KIF6: variants seen among roughly 807,000 people sequenced by gnomAD.
KIF6 encodes kinesin family member 6.
A neutral mutation model predicts 112.7 loss-of-function variants in KIF6; 106 were observed. The observed-to-expected ratio is 0.94, with a 90% CI of 0.80 to 1.11. KIF6 has a LOEUF of 1.11. Among genes scored for constraint, KIF6 ranks in the 50% least tolerant of loss-of-function variants. The pLI is 0.00. For synonymous variants in KIF6, 339 were observed against 339.9 expected, an observed-to-expected ratio of 1.00 and a Z score of 0.03; for missense variants, 929 against 964.0, an observed-to-expected ratio of 0.96 and a Z score of 0.48.
At chr6:39,351,530 A>T (rs540101247) in intron 19 of KIF6, among the ~76,000 whole-genome samples, 6 of 152,234 alleles carry the variant, frequency 3.9e-5, no homozygotes, top group African/African-American at 1.2e-4. Context: ...CTGGGATTAC[A>T]GGCATGAACC....
chr6:39,653,622 C>T (rs1318451341), intron 3 of KIF6, among the ~76,000 whole-genome samples: 1 of 152,172 alleles, frequency 6.6e-6, no homozygotes, highest in Non-Finnish European at 1.5e-5. Context: ...GGGATTGCAA[C>T]TTGTAATGAG....
At chr6:39,337,018 CCCTTCCTTCCTTTCTTTT>C (rs1448594210) in intron 22 of KIF6, among the ~76,000 whole-genome samples, 18 of 136,648 alleles carry the variant, frequency 1.3e-4, no homozygotes, top group African/African-American at 5.0e-4. Context: ...CTCCCTCCCT[CCCTTCCTTCCTTTCTTTT>C]CCTTCCTTCC....
At chr6:39,723,406 G>A (rs564296409) in intron 1 of KIF6, among the ~76,000 whole-genome samples, 5 of 152,246 alleles carry the variant, frequency 3.3e-5, no homozygotes, top group South Asian at 4.1e-4. Context: ...AAAGGTTTCC[G>A]AAAAGGGGAT....
intron 5 of KIF6, among the ~76,000 whole-genome samples, chr6:39,624,244 A>AG (rs1783972691): frequency 6.6e-6 from 1 of 152,214 alleles, no homozygotes; most frequent in Non-Finnish European, 1.5e-5. Flanking sequence ...TTAATTGAAG[A>AG]GACGAATACA....
At chr6:39,458,482 C>T (rs1773287099) in intron 13 of KIF6, among the ~76,000 whole-genome samples, 2 of 149,598 alleles carry the variant, frequency 1.3e-5, no homozygotes, top group South Asian at 4.4e-4. Context: ...TGCCCTCTCT[C>T]ACCGCTCCTA....
intron 6 of KIF6, among the ~76,000 whole-genome samples, chr6:39,606,505 C>G (rs1356442041): frequency 6.6e-6 from 1 of 152,186 alleles, no homozygotes; most frequent in East Asian, 1.9e-4. Flanking sequence ...TAAAGAGTAG[C>G]CTAGAGGATA....
At chr6:39,542,196 G>A (rs1778825492) in intron 12 of KIF6, among the ~76,000 whole-genome samples, 1 of 152,122 alleles carries the variant, frequency 6.6e-6, no homozygotes, top group African/African-American at 2.4e-5. Flanking sequence ...GATGCGTTCT[G>A]ATGTACATTT....
Position 39,714,869 on chromosome 6 carries a change from A to T in KIF6, c.177-103T>A. On this transcript the variant is annotated intron_variant, in intron 2 of 22. Coordinates refer to ENST00000287152, the MANE Select transcript of KIF6 (RefSeq NM_145027.6). The stretch of plus-strand genomic sequence containing the variant: ...AAGCTCTATTAATTACCCCATATTT[A>T]CATCACTGGGCTTACCTAACTTAGC... 3.9e-6 allele frequency: 3 copies of T among 764,766 alleles called. No individual in the cohort carries two copies. The East Asian group carries it at 8.0e-5, about 20-fold the overall frequency. 47.4% of individuals were successfully genotyped at this position (764,766 alleles called of 1,614,324 possible). A position where few individuals can be genotyped will look rare whatever the true frequency, so the allele number is the denominator to read the frequency against.
At chr6:39,476,233 G>C (rs1253391803) in intron 13 of KIF6, among the ~76,000 whole-genome samples, 1 of 150,646 alleles carries the variant, frequency 6.6e-6, no homozygotes, top group Non-Finnish European at 1.5e-5. Context: ...AAAAAGAAAA[G>C]TCACTTCAAG....
chr6:39,526,838 A>AAGATCAAAG (rs1467929088), intron 13 of KIF6, among the ~76,000 whole-genome samples: 10 of 152,348 alleles, frequency 6.6e-5, no homozygotes, highest in African/African-American at 2.2e-4. Flanking sequence ...AGGAAATGCA[A>AAGATCAAAG]AGATCAAAGT....
chr6:39,725,053 T>C (rs1790454878), intron 1 of KIF6, among the ~76,000 whole-genome samples, 192 bp downstream of exon 1: 1 of 152,134 alleles, frequency 6.6e-6, no homozygotes, highest in South Asian at 2.1e-4. Context: ...TGGCTGTCGG[T>C]CGCGTAGCTG....
intron 3 of KIF6, among the ~76,000 whole-genome samples, chr6:39,647,301 G>A (rs796357288): frequency 1.9e-4 from 29 of 152,230 alleles, no homozygotes; most frequent in African/African-American, 6.3e-4. Context: ...ACTTTGAGAG[G>A]TCTGTTTTTC....
At chr6:39,418,001 T>TC (rs11403413) in intron 15 of KIF6, among the ~76,000 whole-genome samples, 145,983 of 152,176 alleles carry the variant, frequency 0.96, 70,034 homozygotes, top group East Asian at 1. Context: ...GCTTCCTCTT[T>TC]CCCTCCTTCT....
At chr6:39,366,382 T>G (rs945937779) in intron 16 of KIF6, among the ~76,000 whole-genome samples, 13 of 152,204 alleles carry the variant, frequency 8.5e-5, no homozygotes, top group African/African-American at 2.9e-4. Context: ...TAACAAATGT[T>G]TATCGAGCAT....
intron 13 of KIF6, among the ~76,000 whole-genome samples, chr6:39,443,606 G>T (rs1252687953): frequency 6.6e-6 from 1 of 151,998 alleles, no homozygotes. Context: ...ACCACACCTG[G>T]TTAATTTTTG....
intron 3 of KIF6, among the ~76,000 whole-genome samples, chr6:39,659,084 T>G (rs142411205): frequency 6.6e-6 from 1 of 152,308 alleles, no homozygotes; most frequent in East Asian, 1.9e-4. Flanking sequence ...ATCTTCCCAA[T>G]ATCTCCAATA....
chr6:39,364,505 A>G (rs1011978141), intron 16 of KIF6, among the ~76,000 whole-genome samples: 6 of 152,200 alleles, frequency 3.9e-5, no homozygotes, highest in African/African-American at 1.2e-4. Context: ...CTTAAGTGTG[A>G]AGGCTAGGTC....
At chr6:39,640,509 T>G (rs963284086) in intron 3 of KIF6, among the ~76,000 whole-genome samples, 1 of 152,164 alleles carries the variant, frequency 6.6e-6, no homozygotes, top group Admixed American at 6.6e-5. Context: ...TTGATACAAG[T>G]GGCTCCTTGA....
At chr6:39,544,048 T>C (rs1279357550) in intron 12 of KIF6, among the ~76,000 whole-genome samples, 1 of 152,232 alleles carries the variant, frequency 6.6e-6, no homozygotes, top group Non-Finnish European at 1.5e-5. Flanking sequence ...AAAAGTTACA[T>C]TTAAATCAAT....
Sources: allele counts gnomAD v4.1 joint callset (sites outside exome capture counted in the v4.1 genomes callset), GRCh38; gene constraint gnomAD v4.1.1; transcripts MANE v1.5; gene names NCBI Gene and HGNC (gene_info 2026-07-23, HGNC 2026-07-21).